The following LAMA2 variants were observed in gnomAD, a reference collection of about 807,000 sequenced individuals.
LAMA2 encodes the protein laminin subunit alpha-2.
LAMA2 carries 269 observed loss-of-function variants against 364.8 expected under a neutral mutation model. The ratio of observed to expected loss-of-function variants is 0.74; its 90% confidence interval spans 0.67 to 0.82. LAMA2 has a LOEUF of 0.82. Among genes scored for constraint, LAMA2 ranks in the 40% least tolerant of loss-of-function variants. The pLI is 0.00. For missense variants in LAMA2, 3,807 were observed against 3,873.2 expected (o/e 0.98, Z 0.45); for synonymous variants, 1,379 against 1,370.6 (o/e 1.01, Z -0.14).
At chr6:129,089,383 A>C (rs1774662368) in intron 3 of LAMA2, among the ~76,000 whole-genome samples, 1 of 152,028 alleles carries the variant, frequency 6.6e-6, no homozygotes. Flanking sequence ...TTACCTTGGT[A>C]AATACAGAAG....
At chr6:129,398,579 A>T (rs371812414) in intron 37 of LAMA2, among the ~76,000 whole-genome samples, 1 of 142,824 alleles carries the variant, frequency 7.0e-6, no homozygotes, top group Non-Finnish European at 1.5e-5. Context: ...AGGTCAAGTG[A>T]TTCTCCTGCC....
At chr6:129,255,602 A>G (rs1786607039) in intron 14 of LAMA2, among the ~76,000 whole-genome samples, 1 of 152,066 alleles carries the variant, frequency 6.6e-6, no homozygotes, top group Non-Finnish European at 1.5e-5. Context: ...GATATAACTC[A>G]TGAGTATTGC....
intron 56 of LAMA2, among the ~76,000 whole-genome samples, chr6:129,488,335 ATTTAAAC>A (rs1214249159): frequency 2.6e-5 from 4 of 152,314 alleles, no homozygotes; most frequent in East Asian, 3.9e-4. Flanking sequence ...AAACAAAAAC[ATTTAAAC>A]TTTAAGGAAT....
intron 1 of LAMA2, among the ~76,000 whole-genome samples, chr6:128,934,715 G>C (rs149535498): frequency 1.7e-4 from 26 of 152,104 alleles, no homozygotes; most frequent in African/African-American, 6.0e-4. Context: ...TGCTATGTTG[G>C]ACAGGCTGGT....
intron 4 of LAMA2, among the ~76,000 whole-genome samples, chr6:129,125,196 T>A (rs1475767860): frequency 6.6e-6 from 1 of 152,156 alleles, no homozygotes; most frequent in Non-Finnish European, 1.5e-5. Context: ...TGAAATGAGT[T>A]GGGGAAGACT....
At position 129,260,797 on chromosome 6, in the gene LAMA2, C is replaced by T; in HGVS notation, c.2183C>T (p.Pro728Leu). 1 of 1,607,570 alleles carries T rather than the reference C, an allele frequency of 6.2e-7. No individual in the cohort carries two copies. ...AAAVEVCQCP[P>L]GYTGSSCESC... ...GCTGTAGAAGTGTGTCAGTGCCCAC[C>T]AGGGTATACTGGCTCCTCTTGTGAA... Residue 728 changes from proline to leucine, a missense_variant, in exon 15 of 65, where the codon CCA (proline) becomes CTA (leucine). Physicochemically the swap from Pro to Leu is moderately conservative, Grantham distance 98. This residue lies in a region of LAMA2 where 3,333 missense variants were observed against 3,345.7 expected (regional missense o/e 1.00). Coordinates refer to ENST00000421865, the MANE Select transcript of LAMA2 (RefSeq NM_000426.4).
chr6:129,316,226 T>C, intron 27 of LAMA2, 55 bp downstream of exon 27: 1 of 1,363,522 alleles, frequency 7.3e-7, no homozygotes, highest in Non-Finnish European at 1.0e-6. Context: ...TAAGGAAGGT[T>C]ATTGACCTAC....
At chr6:129,305,304 T>G (rs1254205418) in intron 22 of LAMA2, among the ~76,000 whole-genome samples, 1 of 151,002 alleles carries the variant, frequency 6.6e-6, no homozygotes, top group Non-Finnish European at 1.5e-5. Context: ...TCATCTCCCT[T>G]TTTAGTATTT....
Position 129,190,339 on chromosome 6 carries a change from T to C in LAMA2, c.1602T>C (p.Tyr534=), listed in dbSNP as rs2115033669. ...SNRCQSSYWT[Y]GKIQDMSGWY... is the part of the protein sequence containing the mutation. ...GATGTCAGAGTTCCTACTGGACCTA[T>C]GGCAAAGTAAGCAAGCACCATTTGG... The change falls in exon 11 of 65, where the codon TAT becomes TAC. Residue 534 remains tyrosine (Y), a synonymous_variant. Coordinates refer to ENST00000421865, the MANE Select transcript of LAMA2 (RefSeq NM_000426.4). 1 of 1,613,346 alleles carries C rather than the reference T, an allele frequency of 6.2e-7. No homozygotes were observed. Among genetic ancestry groups the C allele is most frequent in the Non-Finnish European group, 8.5e-7 (1 of 1,179,352 alleles).
chr6:129,326,493 T>A (rs1775293218), intron 28 of LAMA2, among the ~76,000 whole-genome samples: 1 of 151,982 alleles, frequency 6.6e-6, no homozygotes, highest in Non-Finnish European at 1.5e-5. Flanking sequence ...TGTGTTTCTT[T>A]TTCTTCTAAG....
Position 129,314,398 on chromosome 6 carries a change from C to CAAAAAAAAAA in LAMA2, c.3412-245_3412-236dup, listed in dbSNP as rs3062342. On this transcript the variant is annotated intron_variant, in intron 23 of 64. Coordinates refer to ENST00000421865, the MANE Select transcript of LAMA2 (RefSeq NM_000426.4). The stretch of plus-strand genomic sequence containing the variant: ...TGGGCGAAAGAGCGAGACTCCGTCT[C>CAAAAAAAAAA]AAAAAAAAAAAAAAAAAAAAAGTAC... Among the ~76,000 whole-genome samples, 85 of 81,846 alleles carry CAAAAAAAAAA rather than the reference C, an allele frequency of 1.0e-3. 5 individuals are homozygous for CAAAAAAAAAA. The highest frequency in any genetic ancestry group is 4.1e-3 in the African/African-American group (75 of 18,176). 53.7% of individuals were successfully genotyped at this position (81,846 alleles called of 152,430 possible).
intron 34 of LAMA2, among the ~76,000 whole-genome samples, chr6:129,374,483 C>A (rs1293825721): frequency 1.3e-5 from 2 of 152,124 alleles, no homozygotes; most frequent in African/African-American, 2.4e-5. Context: ...CAAGAACTCC[C>A]CAGATTATAC....
chr6:129,017,838 C>T (rs1016931736), intron 1 of LAMA2, among the ~76,000 whole-genome samples: 2 of 151,904 alleles, frequency 1.3e-5, no homozygotes, highest in Non-Finnish European at 2.9e-5. Context: ...CTTTTGATAC[C>T]TGTCATCTGA....
At chr6:129,329,233 A>G (rs1202196178) in intron 29 of LAMA2, among the ~76,000 whole-genome samples, 2 of 152,188 alleles carry the variant, frequency 1.3e-5, no homozygotes, top group East Asian at 3.9e-4. Context: ...CTCATGGTCA[A>G]AACAGGCAAA....
intron 4 of LAMA2, among the ~76,000 whole-genome samples, chr6:129,117,014 G>C (rs919809340): frequency 6.6e-6 from 1 of 151,972 alleles, no homozygotes; most frequent in Non-Finnish European, 1.5e-5. Context: ...TAAAATAAAA[G>C]AAAAATGCAT....
rs991941840 is a variant in LAMA2 at position 129,292,979 on chromosome 6, A to T, written c.2856+1259A>T. 3.0e-6 allele frequency: 3 copies of T among 985,758 alleles called. No individual in the cohort carries two copies. In the African/African-American group the frequency reaches 5.2e-5, roughly 17 times the overall value. The allele number at this position is 985,758 out of a possible 1,614,324, so 61.1% of individuals were successfully genotyped here. A position where few individuals can be genotyped will look rare whatever the true frequency, so the allele number is the denominator to read the frequency against. On this transcript the variant is annotated intron_variant, in intron 20 of 64. Transcript: ENST00000421865. ...ACCAACAGGAGGAGCAGCCGCGGAG[A>T]GCGCAACGGGTGCTGGGTTCTCCTC... is the stretch of plus-strand genomic sequence containing the variant.
At chr6:129,237,351 G>GTTA (rs1379739608) in intron 12 of LAMA2, among the ~76,000 whole-genome samples, 1 of 151,836 alleles carries the variant, frequency 6.6e-6, no homozygotes, top group Non-Finnish European at 1.5e-5. Context: ...TGTTGTTGTT[G>GTTA]TTGGAGATGG....
chr6:129,516,495 T>G lies in LAMA2; in HGVS notation c.*148T>G, dbSNP rs1247448520. 4.0e-6 allele frequency: 3 copies of G among 753,334 alleles called. No individual in the cohort carries two copies. In the African/African-American group the frequency reaches 5.3e-5, roughly 13 times the overall value. 46.7% of individuals were successfully genotyped at this position (753,334 alleles called of 1,614,324 possible). A position where few individuals can be genotyped will look rare whatever the true frequency, so the allele number is the denominator to read the frequency against. ...GTATTCAGATGGTGCTAATTCAGACTCCAGACTGAATTTTAATTCAAGTTC... is the reference window on the plus strand; with the variant it reads ...GTATTCAGATGGTGCTAATTCAGACGCCAGACTGAATTTTAATTCAAGTTC... On this transcript the variant is annotated 3_prime_UTR_variant, in exon 65 of 65. Transcript: ENST00000421865.
Position 129,320,658 on chromosome 6 carries a change from A to AGCTTACCTCAC in LAMA2, c.4176+3_4176+4insGCTTACCTCAC. On this transcript the variant is annotated splice_donor_region_variant and intron_variant, in intron 28 of 64. Coordinates refer to ENST00000421865, the MANE Select transcript of LAMA2 (RefSeq NM_000426.4). ...GCTATTCTGGCCTGTCCTGTGAGGTAAGCTACCTCCTACTAACCTGCTTAA... is the reference window on the plus strand; with the variant it reads ...GCTATTCTGGCCTGTCCTGTGAGGTAGCTTACCTCACAGCTACCTCCTACTAACCTGCTTAA... The AGCTTACCTCAC allele has an allele frequency of 2.6e-6, 4 of 1,531,372 alleles. No individual in the cohort carries two copies. Among genetic ancestry groups the AGCTTACCTCAC allele is most frequent in the Non-Finnish European group, 3.6e-6 (4 of 1,104,512 alleles). The allele number at this position is 1,531,372 out of a possible 1,614,324, so 94.9% of individuals were successfully genotyped here.
Sources: gnomAD v4.1 joint callset for allele counts (sites outside exome capture counted in the v4.1 genomes callset) on GRCh38, gnomAD v4.1.1 for gene constraint, gnomAD v4.1.1 regional missense constraint, MANE v1.5 for transcripts, NCBI Gene and HGNC (gene_info 2026-07-23, HGNC 2026-07-21) for gene names.